Variants in ABCA8 observed in about 807,000 individuals in gnomAD.
ABCA8 encodes ATP binding cassette subfamily A member 8, also known as ABC-type organic anion transporter ABCA8.
A neutral mutation model predicts 192.3 loss-of-function variants in ABCA8; 177 were observed. That is an observed-to-expected ratio of 0.92 (90% CI 0.81 to 1.04). ABCA8 has a LOEUF of 1.04. ABCA8 is among the 50% of genes least tolerant of loss of function. The pLI is 0.00. For missense variants in ABCA8, 1,915 were observed against 1,904.8 expected, an observed-to-expected ratio of 1.01 and a Z score of -0.10; for synonymous variants, 642 against 690.2, an observed-to-expected ratio of 0.93 and a Z score of 1.09.
At chr17:68,909,309 C>T (rs769921896) in intron 17 of ABCA8, among the ~76,000 whole-genome samples, 2 of 152,280 alleles carry the variant, frequency 1.3e-5, no homozygotes, top group Non-Finnish European at 2.9e-5. Flanking sequence ...TTCCACTCTG[C>T]TGTTGTAACA....
chr17:68,867,985 T>C lies in ABCA8; in HGVS notation c.*100A>G, dbSNP rs1436638448. 3.3e-6 allele frequency: 3 copies of C among 914,692 alleles called. No individual in the cohort carries two copies. Among genetic ancestry groups the C allele is most frequent in the Non-Finnish European group, 3.3e-6 (2 of 612,236 alleles). 56.7% of individuals were successfully genotyped at this position (914,692 alleles called of 1,614,324 possible). On this transcript the variant is annotated 3_prime_UTR_variant, in exon 40 of 40. Transcript: ENST00000586539. ...CCCACCACACGGAGAACCATTTCTG[T>C]ACTTATAATATAGTTTCTAAAAATA...
intron 37 of ABCA8, among the ~76,000 whole-genome samples, chr17:68,874,119 G>T (rs143283839): frequency 2.4e-4 from 37 of 152,338 alleles, no homozygotes; most frequent in African/African-American, 8.7e-4. Context: ...ATGGAAGTGA[G>T]TAGGTGCTGT....
At chr17:68,887,925 T>TATTATATATGGATA in intron 24 of ABCA8, among the ~76,000 whole-genome samples, 14 of 100,990 alleles carry the variant, frequency 1.4e-4, no homozygotes, top group East Asian at 6.5e-4. Context: ...TATATATATA[T>TATTATATATGGATA]TATATATGGA....
intron 19 of ABCA8, 133 bp from the exon 20 acceptor site, chr17:68,903,632 T>G: frequency 1.4e-6 from 1 of 709,350 alleles, no homozygotes; most frequent in Non-Finnish European, 2.3e-6. Flanking sequence ...GTTACTGCCT[T>G]AAAATACAGA....
chr17:68,924,944 G>A (rs1005604689), intron 10 of ABCA8, 75 bp from the exon 11 acceptor site: 60 of 1,471,762 alleles, frequency 4.1e-5, no homozygotes, highest in Non-Finnish European at 5.4e-5. Context: ...AATGTAGCAC[G>A]GCAACACAGC....
intron 24 of ABCA8, among the ~76,000 whole-genome samples, chr17:68,890,769 T>G (rs2143379939): frequency 6.6e-6 from 1 of 152,338 alleles, no homozygotes; most frequent in Admixed American, 6.5e-5. Context: ...TCCGCCCACC[T>G]CGGTTTCCCA....
At chr17:68,954,597 C>A (rs1226401157) in intron 1 of ABCA8, among the ~76,000 whole-genome samples, 2 of 152,072 alleles carry the variant, frequency 1.3e-5, no homozygotes, top group African/African-American at 4.8e-5. Context: ...TATGAAAATT[C>A]TTTTTACCAA....
chr17:68,894,204 T>G lies in ABCA8; in HGVS notation c.3005A>C (p.His1002Pro), dbSNP rs747575997. 1.2e-6 allele frequency: 2 copies of G among 1,613,244 alleles called. No homozygotes were observed. The highest frequency in any genetic ancestry group is 2.7e-5 in the African/African-American group (2 of 74,894). ...AAATGTACTTCTTTCAGTTCGGATA[T>G]GTACTGATGGTTTAACCATTCCAAG... is the stretch of plus-strand genomic sequence containing the variant. ...GLLGMVKPSV[H>P]IRTERSTFLE... Residue 1002 changes from histidine to proline, a missense_variant, in exon 23 of 40, where the codon CAT (histidine) becomes CCT (proline). Transcript: ENST00000586539.
chr17:68,918,428 T>C lies in ABCA8; in HGVS notation c.1907A>G (p.Gln636Arg), dbSNP rs1290805207. 3 of 1,572,888 alleles carry C rather than the reference T, an allele frequency of 1.9e-6. No homozygotes were observed. Among genetic ancestry groups the C allele is most frequent in the South Asian group, 2.3e-5 (2 of 86,738 alleles). ...ACCTGCAAATTCAATGTGACTCACC[T>C]GAGGATCTCCTAAAATGGCAATCCC... The part of the protein sequence containing the change: ...TFGIAILGDP[Q>R]IFLLDEPTAG... Residue 636 changes from glutamine (Q) to arginine (R), a missense_variant and splice_region_variant, in exon 15 of 40, where the codon CAG becomes CGG. Transcript: ENST00000586539.
At chr17:68,889,851 G>A (rs1352498501) in intron 24 of ABCA8, among the ~76,000 whole-genome samples, 1 of 152,126 alleles carries the variant, frequency 6.6e-6, no homozygotes, top group African/African-American at 2.4e-5. Context: ...ATGGTTCTGA[G>A]ACTCACCTGT....
intron 7 of ABCA8, among the ~76,000 whole-genome samples, chr17:68,931,017 C>T (rs182512122): frequency 5.3e-5 from 8 of 152,282 alleles, no homozygotes; most frequent in African/African-American, 1.9e-4. Context: ...CTACCCAGCC[C>T]CTATTCACCA....
rs1598174691 is a variant in ABCA8 at position 68,871,896 on chromosome 17, A to ATG, written c.4632-2119_4632-2118dup. 2.2e-5 allele frequency among the ~76,000 whole-genome samples: 3 copies of ATG among 138,058 alleles called. No homozygotes were observed. The East Asian group carries it at 6.8e-4, about 32-fold the overall frequency. 90.6% of individuals were successfully genotyped at this position (138,058 alleles called of 152,430 possible). The stretch of plus-strand genomic sequence containing the variant: ...TGATAAATGACTATGTTACTAGTTT[A>ATG]TGTATATACTATACTATACCATACT... On this transcript the variant is annotated intron_variant, in intron 37 of 39. Coordinates refer to ENST00000586539, the MANE Select transcript of ABCA8 (RefSeq NM_001288985.2).
intron 11 of ABCA8, 69 bp from the exon 12 acceptor site, chr17:68,922,369 G>T: frequency 4.6e-6 from 5 of 1,075,422 alleles, no homozygotes; most frequent in South Asian, 1.5e-5. Flanking sequence ...TTGGTAGACA[G>T]GATTGGATAA....
At chr17:68,900,166 G>A (rs1403524134) in intron 21 of ABCA8, among the ~76,000 whole-genome samples, 2 of 152,050 alleles carry the variant, frequency 1.3e-5, no homozygotes, top group African/African-American at 4.8e-5. Context: ...CTAGAAGTTG[G>A]TTCCTTGAAA....
chr17:68,942,271 C>T (rs1047281220), intron 2 of ABCA8, among the ~76,000 whole-genome samples: 1 of 152,138 alleles, frequency 6.6e-6, no homozygotes, highest in Non-Finnish European at 1.5e-5. Flanking sequence ...TATCAATTTA[C>T]TGTCTCTCAG....
Position 68,875,683 on chromosome 17 carries a change from G to T in ABCA8, c.4421C>A (p.Thr1474Asn), listed in dbSNP as rs752694814. The change falls in exon 36 of 40, where the codon ACC becomes AAC. Residue 1474 changes from threonine (T) to asparagine (N), a missense_variant. Thr to Asn is a moderately conservative substitution (Grantham distance 65). Transcript: ENST00000586539. ...FRNTERGALL[T>N]THYMAEAEAV... ...CTCAGCCTCTGCCATGTAGTGGGTG[G>T]TTAGGAGGGCACCCCTTTCCGTGTT... 7.4e-6 allele frequency: 12 copies of T among 1,614,052 alleles called. No homozygotes were observed. The East Asian group carries it at 2.0e-4, about 27-fold the overall frequency.
chr17:68,916,529 T>G (rs1018275187), intron 17 of ABCA8, among the ~76,000 whole-genome samples: 6 of 152,138 alleles, frequency 3.9e-5, no homozygotes. Context: ...CCTTTAAAAT[T>G]AAAAGTTAAA....
rs756716216 is a variant in ABCA8 at position 68,907,838 on chromosome 17, G to A, written c.2180C>T (p.Ser727Leu). Residue 727 changes from serine to leucine, a missense_variant, in exon 18 of 40, where the codon TCA becomes TTA. Ser to Leu is a moderately radical substitution (Grantham distance 145). Transcript: ENST00000586539. Reference protein sequence around the residue: ...NEICVEENITSLVKQHIPDAK... With the variant: ...NEICVEENITLLVKQHIPDAK... Reference sequence around the variant, plus strand: ...ATCAGGGATGTGCTGTTTAACAAGTGATGTTATGTTTTCCTCAACACATAT... The same window carrying A: ...ATCAGGGATGTGCTGTTTAACAAGTAATGTTATGTTTTCCTCAACACATAT... The A allele has an allele frequency of 6.2e-7, 1 of 1,601,844 alleles. No individual in the cohort carries two copies. Among genetic ancestry groups the A allele is most frequent in the Non-Finnish European group, 8.5e-7 (1 of 1,175,280 alleles).
At chr17:68,919,082 G>C (rs1010490208) in intron 14 of ABCA8, among the ~76,000 whole-genome samples, 1 of 152,090 alleles carries the variant, frequency 6.6e-6, no homozygotes, top group South Asian at 2.1e-4. Context: ...CTATCTCATA[G>C]GGTTGCTATG....
Sources: allele counts gnomAD v4.1 joint callset (sites outside exome capture counted in the v4.1 genomes callset), GRCh38; gene constraint gnomAD v4.1.1; transcripts MANE v1.5; gene names NCBI Gene and HGNC (gene_info 2026-07-23, HGNC 2026-07-21).